Variants in CXXC1 observed in about 807,000 individuals in gnomAD.
CXXC1 encodes CXXC-type zinc finger protein 1.
CXXC1 carries 21 observed loss-of-function variants against 83.6 expected under a neutral mutation model. The observed-to-expected ratio is 0.25, with a 90% CI of 0.18 to 0.36. The LOEUF (loss-of-function observed/expected upper bound fraction) is 0.36. Among genes scored for constraint, CXXC1 ranks in the 10% least tolerant of loss-of-function variants. The pLI, the probability that CXXC1 is intolerant of heterozygous loss-of-function variation, is 1.00. For synonymous variants in CXXC1, 371 were observed against 337.5 expected (o/e 1.10, Z -1.09); for missense variants, 688 against 919.5 (o/e 0.75, Z 3.26).
At position 50,282,591 on chromosome 18, in the gene CXXC1, G is replaced by C; in HGVS notation, c.*2C>G. On this transcript the variant is annotated 3_prime_UTR_variant, in exon 15 of 15. Transcript: ENST00000285106. This position sits in a 1 kb window ranked among gnomAD's most constrained non-coding sequence, Gnocchi z 5.8. ...GGGTGTAAGGGGTCCGGGCCAGGAG[G>C]CTCAGCGGTCGGCACTGGAGCGCAG... 1 of 1,607,750 alleles carries C rather than the reference G, an allele frequency of 6.2e-7. No homozygotes were observed. The highest frequency in any genetic ancestry group is 8.5e-7 in the Non-Finnish European group (1 of 1,179,980).
Position 50,286,264 on chromosome 18 carries a change from G to T in CXXC1, c.224-7C>A. ...TCTAGCTTGGGGTCTTTCTCTGTGG[G>T]GCAGAGAGTAGGGCCAAAGTGAGTG... On this transcript the variant is annotated splice_region_variant and splice_polypyrimidine_tract_variant and intron_variant, in intron 3 of 14. Transcript: ENST00000285106. 1 of 1,593,592 alleles carries T rather than the reference G, an allele frequency of 6.3e-7. No individual in the cohort carries two copies.
intron 13 of CXXC1, 31 bp downstream of exon 13, chr18:50,283,234 C>G: frequency 1.3e-6 from 2 of 1,582,096 alleles, no homozygotes; most frequent in Non-Finnish European, 1.7e-6. Flanking sequence ...GGAGGAGGGG[C>G]AAAATGGGAG....
At chr18:50,287,117 G>C in intron 1 of CXXC1, 2 of 536,248 alleles carry the variant, frequency 3.7e-6, no homozygotes, top group Non-Finnish European at 6.7e-6. Context: ...GGGTCATGGC[G>C]ACCCTCCATC....
At position 50,283,685 on chromosome 18, in the gene CXXC1, C is replaced by G. The variant is rs1053328840; in HGVS notation, c.1524+20G>C. ...ACTGATGTTCCCACATGGTCCGCCC[C>G]CTCAGTCTGACACCCCAACCTTGGC... On this transcript the variant is annotated intron_variant, in intron 11 of 14. Transcript: ENST00000285106. 2 of 1,613,148 alleles carry G rather than the reference C, an allele frequency of 1.2e-6. No individual in the cohort carries two copies.
Position 50,284,494 on chromosome 18 carries a change from C to A in CXXC1, c.1089G>T (p.Arg363Ser). Residue 363 changes from arginine to serine, a missense_variant, in exon 9 of 15, where the codon AGG becomes AGT. Arg to Ser is a moderately radical substitution (Grantham distance 110). Coordinates refer to ENST00000285106, the MANE Select transcript of CXXC1 (RefSeq NM_014593.4). ...GTGACGCAGGGTCCTTGGCATCAGC[C>A]CTCTCTGGGTGTTTCCATTTATCCT... Reference protein sequence around the residue: ...KHKDKWKHPERADAKDPASLP... With the variant: ...KHKDKWKHPESADAKDPASLP... 1 of 1,609,432 alleles carries A rather than the reference C, an allele frequency of 6.2e-7. No homozygotes were observed. Among genetic ancestry groups the A allele is most frequent in the Non-Finnish European group, 8.5e-7 (1 of 1,177,744 alleles).
intron 9 of CXXC1, 76 bp from the exon 10 acceptor site, chr18:50,284,177 A>C: frequency 6.6e-7 from 1 of 1,521,712 alleles, no homozygotes; most frequent in South Asian, 1.1e-5. Flanking sequence ...CGCAAATGGC[A>C]AAAGGAGAAG....
chr18:50,283,036 T>C (rs1457633021), intron 13 of CXXC1, 30 bp from the exon 14 acceptor site: 4 of 1,611,050 alleles, frequency 2.5e-6, no homozygotes, highest in African/African-American at 1.3e-5. Flanking sequence ...GGGGGATGAA[T>C]AGCGGTGATA....
rs779599411 is a variant in CXXC1 at position 50,285,953 on chromosome 18, A to T, written c.460-25T>A. 1 of 1,613,944 alleles carries T rather than the reference A, an allele frequency of 6.2e-7. No individual in the cohort carries two copies. The highest frequency in any genetic ancestry group is 8.5e-7 in the Non-Finnish European group (1 of 1,180,002). On this transcript the variant is annotated intron_variant, in intron 4 of 14. Coordinates refer to ENST00000285106, the MANE Select transcript of CXXC1 (RefSeq NM_014593.4). The surrounding 1 kb of genome is among the most constrained non-coding windows in gnomAD (Gnocchi z 4.4). ...GCTGCAGGAGGGGGCCCAGAACAGA[A>T]ATCATGGACCCAGGCAGGGCTGAAA...
chr18:50,284,124 C>A, intron 9 of CXXC1, 23 bp from the exon 10 acceptor site: 1 of 1,595,534 alleles, frequency 6.3e-7, no homozygotes, highest in Non-Finnish European at 8.5e-7. Context: ...TAGCAAGCAA[C>A]AGAATGAGTG....
intron 3 of CXXC1, 26 bp from the exon 4 acceptor site, chr18:50,286,283 G>A: frequency 6.4e-7 from 1 of 1,569,168 alleles, no homozygotes; most frequent in South Asian, 1.1e-5. Flanking sequence ...TAGGGCCAAA[G>A]TGAGTGAGCA....
In CXXC1 at chr18:50,283,286, G is replaced by A. The variant is rs756705322; in HGVS notation, c.1650C>T (p.Pro550=). The change falls in exon 13 of 15, where the codon CCC becomes CCT. Residue 550 remains proline, a synonymous_variant. Transcript: ENST00000285106. ...TYCKRLQVLC[P]EHSRDPKVPA... ...TTACTTTGGGGTCCCGTGAGTGCTC[G>A]GGGCACAGCACCTGGAGCCGCTTAC... The A allele has an allele frequency of 6.2e-7, 1 of 1,613,984 alleles. No individual in the cohort carries two copies. Among genetic ancestry groups the A allele is most frequent in the Non-Finnish European group, 8.5e-7 (1 of 1,179,948 alleles).
intron 3 of CXXC1, 22 bp from the exon 4 acceptor site, chr18:50,286,279 C>T (rs753518330): frequency 4.1e-5 from 64 of 1,573,358 alleles, no homozygotes; most frequent in Non-Finnish European, 5.3e-5. Context: ...AGAGTAGGGC[C>T]AAAGTGAGTG....
chr18:50,283,604 C>T (rs781219991), intron 11 of CXXC1, 40 bp from the exon 12 acceptor site: 17 of 1,611,566 alleles, frequency 1.1e-5, no homozygotes, highest in South Asian at 7.7e-5. Flanking sequence ...TGTGGATGTG[C>T]GCTGCATGCC....
At position 50,285,513 on chromosome 18, in the gene CXXC1, T is replaced by G; in HGVS notation, c.640-162A>C. 1.0e-6 allele frequency: 1 copy of G among 1,004,896 alleles called. No individual in the cohort carries two copies. Among genetic ancestry groups the G allele is most frequent in the Non-Finnish European group, 1.4e-6 (1 of 692,884 alleles). The allele number at this position is 1,004,896 out of a possible 1,614,324, so 62.2% of individuals were successfully genotyped here. ...CCTGCCTGATCTGTACCAACATGCA[T>G]GACCACCTGAAAACACCTGGCCCCA... On this transcript the variant is annotated intron_variant, in intron 5 of 14. Transcript: ENST00000285106. The surrounding 1 kb of genome is among the most constrained non-coding windows in gnomAD (Gnocchi z 4.4).
Position 50,283,286 on chromosome 18 carries a change from G to C in CXXC1, c.1650C>G (p.Pro550=). The C allele has an allele frequency of 6.2e-7, 1 of 1,613,984 alleles. No homozygotes were observed. Among genetic ancestry groups the C allele is most frequent in the African/African-American group, 1.3e-5 (1 of 75,004 alleles). Residue 550 remains proline, a synonymous_variant, in exon 13 of 15, where the codon CCC becomes CCG. Transcript: ENST00000285106. The part of the protein sequence containing the change: ...TYCKRLQVLC[P]EHSRDPKVPA... Reference sequence around the variant, plus strand: ...TTACTTTGGGGTCCCGTGAGTGCTCGGGGCACAGCACCTGGAGCCGCTTAC... The same window carrying C: ...TTACTTTGGGGTCCCGTGAGTGCTCCGGGCACAGCACCTGGAGCCGCTTAC...
chr18:50,284,864 C>T, intron 7 of CXXC1, 25 bp from the exon 8 acceptor site: 1 of 1,613,942 alleles, frequency 6.2e-7, no homozygotes, highest in Non-Finnish European at 8.5e-7. Flanking sequence ...TGCACTGACC[C>T]ACCTGCCCCG....
intron 13 of CXXC1, 112 bp from the exon 14 acceptor site, chr18:50,283,118 C>A: frequency 7.4e-7 from 1 of 1,351,134 alleles, no homozygotes; most frequent in Non-Finnish European, 1.0e-6. Context: ...GGTGAGGAGG[C>A]ATGGAAAAGG....
At chr18:50,284,950 T>G in intron 7 of CXXC1, 52 bp downstream of exon 7, 1 of 1,613,016 alleles carries the variant, frequency 6.2e-7, no homozygotes, top group Non-Finnish European at 8.5e-7. Flanking sequence ...AGGGATACTC[T>G]CTGCTTCTGT....
At chr18:50,284,866 C>A in intron 7 of CXXC1, 27 bp from the exon 8 acceptor site, 1 of 1,613,938 alleles carries the variant, frequency 6.2e-7, no homozygotes, top group Non-Finnish European at 8.5e-7. Context: ...CACTGACCCA[C>A]CTGCCCCGCT....
Sources: gnomAD v4.1 joint callset for allele counts on GRCh38, gnomAD v4.1.1 for gene constraint, Gnocchi (gnomAD v3.1) non-coding constraint, MANE v1.5 for transcripts, NCBI Gene and HGNC (gene_info 2026-07-23, HGNC 2026-07-21) for gene names.